TBC1D5: variants seen among roughly 807,000 people sequenced by gnomAD.
TBC1D5 encodes the protein TBC1 domain family member 5.
A neutral mutation model predicts 100.3 loss-of-function variants in TBC1D5; 75 were observed. That is an observed-to-expected ratio of 0.75 (90% confidence interval 0.62 to 0.91). The LOEUF (loss-of-function observed/expected upper bound fraction) is 0.91, where lower values mean the gene tolerates loss of function less well. TBC1D5 is among the 40% of genes least tolerant of loss of function. The probability of loss-of-function intolerance (pLI) is 0.00; values close to 1 mark genes in which losing one functional copy is unlikely to be tolerated. For synonymous variants in TBC1D5, 323 were observed against 325.6 expected, an observed-to-expected ratio of 0.99 and a Z score of 0.09; for missense variants, 910 against 942.4, an observed-to-expected ratio of 0.97 and a Z score of 0.45.
At chr3:17,415,737 C>G (rs1422576697) in intron 4 of TBC1D5, among the ~76,000 whole-genome samples, 1 of 152,114 alleles carries the variant, frequency 6.6e-6, no homozygotes, top group Non-Finnish European at 1.5e-5. Context: ...TACCAGCAAT[C>G]TCTGTGAAGT....
chr3:17,249,090 G>A (rs2076977975), intron 16 of TBC1D5, among the ~76,000 whole-genome samples: 1 of 152,158 alleles, frequency 6.6e-6, no homozygotes, highest in Non-Finnish European at 1.5e-5. Context: ...ATTAGGTTTT[G>A]GCATAAGGGA....
chr3:17,272,113 G>C (rs545815303), intron 15 of TBC1D5, among the ~76,000 whole-genome samples: 7 of 152,296 alleles, frequency 4.6e-5, no homozygotes, highest in Non-Finnish European at 1.0e-4. Context: ...GTGCAGCTTA[G>C]TGAAGAAAGA....
At chr3:17,230,821 T>C (rs1421285718) in intron 17 of TBC1D5, among the ~76,000 whole-genome samples, 1 of 152,184 alleles carries the variant, frequency 6.6e-6, no homozygotes, top group Non-Finnish European at 1.5e-5. Context: ...AGGACCGCTG[T>C]GGATACCAAA....
intron 14 of TBC1D5, among the ~76,000 whole-genome samples, chr3:17,296,214 A>T (rs2082240331): frequency 6.6e-6 from 1 of 152,264 alleles, no homozygotes; most frequent in Non-Finnish European, 1.5e-5. Flanking sequence ...AAATAAAATG[A>T]GCTAACAAAA....
At chr3:17,578,378 TAAATCCA>T (rs906242980) in intron 2 of TBC1D5, among the ~76,000 whole-genome samples, 2 of 152,008 alleles carry the variant, frequency 1.3e-5, no homozygotes, top group Non-Finnish European at 2.9e-5. Flanking sequence ...CTTATCCTCA[TAAATCCA>T]AAAAATACAG....
chr3:17,474,380 CA>C lies in TBC1D5; in HGVS notation c.97+34093del, dbSNP rs2095414208. 3.3e-5 allele frequency among the ~76,000 whole-genome samples: 5 copies of C among 152,030 alleles called. No homozygotes were observed. The South Asian group carries it at 1.0e-3, about 32-fold the overall frequency. The stretch of plus-strand genomic sequence containing the variant: ...CATCATATCTTTGTTTTCCTTTGGG[CA>C]AAATGGGAAAATCATACCCTGTTTT... On this transcript the variant is annotated intron_variant, in intron 3 of 21. Transcript: ENST00000253692.
At chr3:17,380,051 G>A (rs1315444385) in intron 9 of TBC1D5, among the ~76,000 whole-genome samples, 45 of 117,052 alleles carry the variant, frequency 3.8e-4, no homozygotes, top group Admixed American at 6.4e-4. Flanking sequence ...GTGTATGTGT[G>A]TGTGTGTGTG....
chr3:17,262,756 C>T (rs768585650), intron 15 of TBC1D5, among the ~76,000 whole-genome samples: 3 of 152,028 alleles, frequency 2.0e-5, no homozygotes, highest in Non-Finnish European at 2.9e-5. Context: ...GCTGGGATTA[C>T]AGGCGTGAGC....
chr3:17,411,536 T>C (rs2093924849), intron 4 of TBC1D5, among the ~76,000 whole-genome samples: 1 of 152,132 alleles, frequency 6.6e-6, no homozygotes. Flanking sequence ...ACCATGCAGT[T>C]CTGTGGACTG....
chr3:17,186,295 G>T (rs182743218), intron 18 of TBC1D5, among the ~76,000 whole-genome samples: 2 of 152,102 alleles, frequency 1.3e-5, no homozygotes, highest in Admixed American at 6.6e-5. Flanking sequence ...TAGTTGAAAA[G>T]GTTACTTGTA....
At chr3:17,206,652 C>T (rs1411545179) in intron 18 of TBC1D5, among the ~76,000 whole-genome samples, 1 of 152,154 alleles carries the variant, frequency 6.6e-6, no homozygotes, top group African/African-American at 2.4e-5. Flanking sequence ...GATGGTCACC[C>T]CCCTGTAGTG....
chr3:17,415,535 G>T (rs940076486), intron 4 of TBC1D5, among the ~76,000 whole-genome samples: 13 of 151,928 alleles, frequency 8.6e-5, no homozygotes, highest in African/African-American at 3.1e-4. Flanking sequence ...CAAATCCAGG[G>T]TCATATTAAA....
rs532849028 is a variant in TBC1D5 at position 17,574,056 on chromosome 3, A to C, written c.-36+49793T>G. On this transcript the variant is annotated intron_variant, in intron 2 of 21. Transcript: ENST00000253692. Reference sequence around the variant, plus strand: ...AATTTGTAAATTACTTTACAAAATAAATGTAATTTCTGCTTGGTCGCTCTC... The same window carrying C: ...AATTTGTAAATTACTTTACAAAATACATGTAATTTCTGCTTGGTCGCTCTC... 3.3e-5 allele frequency among the ~76,000 whole-genome samples: 5 copies of C among 152,180 alleles called. No homozygotes were observed. The South Asian group carries it at 1.0e-3, about 32-fold the overall frequency.
At chr3:17,518,835 T>A (rs1376506077) in intron 2 of TBC1D5, 1 of 152,344 alleles carries the variant, frequency 6.6e-6, no homozygotes, top group Non-Finnish European at 1.5e-5. Context: ...TAGACACTGC[T>A]ATGGGGCCCG....
intron 1 of TBC1D5, among the ~76,000 whole-genome samples, chr3:17,649,845 T>A (rs953338578): frequency 2.6e-5 from 4 of 152,176 alleles, no homozygotes; most frequent in Admixed American, 2.6e-4. Context: ...CATGCACACG[T>A]ATGTTTACTG....
intron 1 of TBC1D5, among the ~76,000 whole-genome samples, chr3:17,685,411 CAAAT>C (rs1028235150): frequency 4.0e-4 from 61 of 151,884 alleles, no homozygotes; most frequent in Admixed American, 2.4e-3. Flanking sequence ...ACTAAATAAT[CAAAT>C]AAATAAATAA....
chr3:17,613,926 A>C (rs1191104850), intron 2 of TBC1D5, among the ~76,000 whole-genome samples: 2 of 152,160 alleles, frequency 1.3e-5, no homozygotes, highest in Non-Finnish European at 2.9e-5. Context: ...TTTTGTTGCC[A>C]TTGCTTTTGG....
At chr3:17,205,078 A>G (rs2071974999) in intron 18 of TBC1D5, among the ~76,000 whole-genome samples, 1 of 152,248 alleles carries the variant, frequency 6.6e-6, no homozygotes, top group African/African-American at 2.4e-5. Flanking sequence ...GATTAAAATT[A>G]CTATCATGAG....
intron 15 of TBC1D5, among the ~76,000 whole-genome samples, chr3:17,272,740 T>C (rs1211177099): frequency 6.6e-6 from 1 of 152,226 alleles, no homozygotes; most frequent in Non-Finnish European, 1.5e-5. Flanking sequence ...ATGAAGAACA[T>C]TGTTAATTCT....
Sources: gnomAD v4.1 joint callset for allele counts (sites outside exome capture counted in the v4.1 genomes callset) on GRCh38, gnomAD v4.1.1 for gene constraint, MANE v1.5 for transcripts, NCBI Gene and HGNC (gene_info 2026-07-23, HGNC 2026-07-21) for gene names.